Variants in NFIC observed in about 807,000 individuals in gnomAD.
NFIC encodes the protein nuclear factor 1 C-type.
Under a neutral mutation model 54.4 loss-of-function variants are expected in NFIC, and 12 were observed. The observed-to-expected ratio is 0.22, with a 90% CI of 0.14 to 0.36. The LOEUF is 0.36. Ranked by LOEUF, NFIC falls within the 10% of genes least tolerant of loss-of-function variation. NFIC has a pLI of 1.00. For synonymous variants in NFIC, 322 were observed against 319.2 expected (o/e 1.01, Z -0.09); for missense variants, 575 against 718.2 (o/e 0.80, Z 2.28).
chr19:3,454,813 C>T (rs1391391717), intron 9 of NFIC, among the ~76,000 whole-genome samples: 1 of 151,906 alleles, frequency 6.6e-6, no homozygotes, highest in Non-Finnish European at 1.5e-5. Flanking sequence ...TTCTAGGTGC[C>T]CTCAGCTCCT....
chr19:3,393,168 A>G (rs1450439310), intron 2 of NFIC, among the ~76,000 whole-genome samples: 2 of 151,822 alleles, frequency 1.3e-5, no homozygotes, highest in Admixed American at 6.6e-5. Flanking sequence ...CTCGTGATCC[A>G]CCCACCTCGG....
Position 3,366,674 on chromosome 19 carries a change from C to G in NFIC, c.30+8C>G. The G allele has an allele frequency of 7.1e-7, 1 of 1,416,896 alleles. No homozygotes were observed. The highest frequency in any genetic ancestry group is 1.5e-5 in the African/African-American group (1 of 66,910). The allele number at this position is 1,416,896 out of a possible 1,614,324, so 87.8% of individuals were successfully genotyped here. A position where few individuals can be genotyped will look rare whatever the true frequency, so the allele number is the denominator to read the frequency against. On this transcript the variant is annotated splice_region_variant and intron_variant, in intron 1 of 10. Coordinates refer to ENST00000443272, the MANE Select transcript of NFIC (RefSeq NM_001245002.2). ...CCGCTCTGCCTCACCCAGGTACGGT[C>G]CTCGCCCGGCCCCCCGCCGGCGCCC...
chr19:3,418,318 A>C (rs890341572), intron 2 of NFIC, among the ~76,000 whole-genome samples: 1 of 152,086 alleles, frequency 6.6e-6, no homozygotes, highest in Non-Finnish European at 1.5e-5. Context: ...TCTGGTCTGG[A>C]ACTCCTGGGC....
intron 2 of NFIC, among the ~76,000 whole-genome samples, chr19:3,387,109 C>T (rs1008226627): frequency 1.3e-5 from 2 of 152,202 alleles, no homozygotes; most frequent in African/African-American, 2.4e-5. Context: ...GGGCATCAGG[C>T]ATAGGGCCTT....
chr19:3,429,929 C>A (rs1468438606), intron 3 of NFIC, among the ~76,000 whole-genome samples: 2 of 152,152 alleles, frequency 1.3e-5, no homozygotes, highest in African/African-American at 4.8e-5. Flanking sequence ...GGTTGCCAGG[C>A]GCTGTTCTCG....
chr19:3,384,200 G>A (rs900950716), intron 2 of NFIC, among the ~76,000 whole-genome samples: 1 of 151,148 alleles, frequency 6.6e-6, no homozygotes, highest in African/African-American at 2.4e-5. Context: ...GACTATAGGC[G>A]CACACCACCA....
chr19:3,363,354 C>G (rs994102638), upstream of NFIC, among the ~76,000 whole-genome samples: 1 of 147,650 alleles, frequency 6.8e-6, no homozygotes, highest in African/African-American at 2.5e-5. Context: ...TCACTGCAAC[C>G]TCCACCTCCC....
intron 6 of NFIC, among the ~76,000 whole-genome samples, chr19:3,438,772 C>T (rs2082246870): frequency 6.6e-6 from 1 of 152,152 alleles, no homozygotes; most frequent in Admixed American, 6.5e-5. Flanking sequence ...GTAAAGCCCT[C>T]CTGTGTGCTG....
At position 3,403,950 on chromosome 19, in the gene NFIC, G is replaced by A. The variant is rs183557489; in HGVS notation, c.563-21156G>A. 5.4e-3 allele frequency among the ~76,000 whole-genome samples: 818 copies of A among 152,304 alleles called. 7 individuals carry two copies. The highest frequency in any genetic ancestry group is 0.019 in the African/African-American group (791 of 41,562). On this transcript the variant is annotated intron_variant, in intron 2 of 10. Coordinates refer to ENST00000443272, the MANE Select transcript of NFIC (RefSeq NM_001245002.2). Reference sequence around the variant, plus strand: ...TGATCCCTTCCGGAGCCTCTCCATGGGGACGCCCGTGTGTGCGCTCAGCCA... The same window carrying A: ...TGATCCCTTCCGGAGCCTCTCCATGAGGACGCCCGTGTGTGCGCTCAGCCA...
At chr19:3,387,771 G>A (rs2081320600) in intron 2 of NFIC, among the ~76,000 whole-genome samples, 4 of 151,914 alleles carry the variant, frequency 2.6e-5, no homozygotes, top group Non-Finnish European at 4.4e-5. Context: ...GGCGAGGGCC[G>A]TCCTGTGGCC....
chr19:3,368,254 G>T (rs969291373), intron 1 of NFIC, among the ~76,000 whole-genome samples: 1 of 152,206 alleles, frequency 6.6e-6, no homozygotes, highest in Non-Finnish European at 1.5e-5. Context: ...AGGGGAGGCT[G>T]TTCCAGGCTG....
intron 2 of NFIC, among the ~76,000 whole-genome samples, chr19:3,390,308 C>T (rs1182502883): frequency 2.0e-5 from 3 of 152,208 alleles, no homozygotes; most frequent in Admixed American, 6.5e-5. Context: ...GTCGCAGACG[C>T]CAGCTGATGG....
chr19:3,395,068 A>C (rs1339539798), intron 2 of NFIC, among the ~76,000 whole-genome samples: 2 of 151,812 alleles, frequency 1.3e-5, no homozygotes, highest in African/African-American at 4.8e-5. Context: ...TTGCTTGAAA[A>C]TCCAAGGAGG....
intron 2 of NFIC, among the ~76,000 whole-genome samples, chr19:3,406,623 A>G (rs917112744): frequency 6.6e-6 from 1 of 152,170 alleles, no homozygotes; most frequent in African/African-American, 2.4e-5. Flanking sequence ...AAAGCATCAC[A>G]GTTTTCTCCT....
At chr19:3,398,138 C>A (rs1289770230) in intron 2 of NFIC, among the ~76,000 whole-genome samples, 1 of 152,126 alleles carries the variant, frequency 6.6e-6, no homozygotes. Context: ...ATTCATCCGC[C>A]GTGCAGACTT....
chr19:3,438,417 T>G (rs976190061), intron 6 of NFIC, among the ~76,000 whole-genome samples: 35 of 146,816 alleles, frequency 2.4e-4, no homozygotes, highest in African/African-American at 8.5e-4. Flanking sequence ...ACTCACTCCC[T>G]CCTGAGGGTT....
Position 3,459,067 on chromosome 19 carries a change from C to T in NFIC, c.1509+2432C>T, listed in dbSNP as rs117199227. Among the ~76,000 whole-genome samples, 877 of 152,226 alleles carry T rather than the reference C, an allele frequency of 5.8e-3. 4 individuals are homozygous for T. The highest frequency in any genetic ancestry group is 0.01 in the Non-Finnish European group (698 of 67,996). On this transcript the variant is annotated intron_variant, in intron 10 of 10. Transcript: ENST00000443272. The surrounding 1 kb of genome is among the most constrained non-coding windows in gnomAD (Gnocchi z 4.2). ...TCCCGCTCTCCCCTCTCCCAGCTCC[C>T]GCTCAAAGGGCCCTGAGCTTGGAGG...
At chr19:3,402,581 C>G (rs887499553) in intron 2 of NFIC, among the ~76,000 whole-genome samples, 1 of 152,178 alleles carries the variant, frequency 6.6e-6, no homozygotes, top group African/African-American at 2.4e-5. Context: ...AGCAAACACC[C>G]GTGCAGTCAC....
rs749039981 is a variant in NFIC at position 3,366,611 on chromosome 19, G to A, written c.-26G>A. 6.1e-6 allele frequency: 9 copies of A among 1,483,118 alleles called. No individual in the cohort carries two copies. In the East Asian group the frequency reaches 8.2e-5, roughly 14 times the overall value. 91.9% of individuals were successfully genotyped at this position (1,483,118 alleles called of 1,614,324 possible). A position where few individuals can be genotyped will look rare whatever the true frequency, so the allele number is the denominator to read the frequency against. ...AAGTTCAGCGCGCCCGCTCCGGCCG[G>A]CCCTGCGCCTCCCGCCGCGCCCGGG... On this transcript the variant is annotated 5_prime_UTR_variant, in exon 1 of 11. Transcript: ENST00000443272.
Sources: allele counts gnomAD v4.1 joint callset (sites outside exome capture counted in the v4.1 genomes callset), GRCh38; gene constraint gnomAD v4.1.1; non-coding constraint Gnocchi (gnomAD v3.1); transcripts MANE v1.5; gene names NCBI Gene and HGNC (gene_info 2026-07-23, HGNC 2026-07-21).